CFI: variants seen among roughly 807,000 people sequenced by gnomAD.
CFI encodes C3B/C4B inactivator.
CFI carries 66 observed loss-of-function variants against 78.8 expected under a neutral mutation model. The ratio of observed to expected loss-of-function variants is 0.84; its 90% CI spans 0.69 to 1.03. CFI has a LOEUF of 1.03. Ranked by LOEUF, CFI falls within the 50% of genes least tolerant of loss-of-function variation. CFI has a pLI of 0.00. For missense variants in CFI, 706 were observed against 704.5 expected (o/e 1.00, Z -0.02); for synonymous variants, 250 against 232.6 (o/e 1.07, Z -0.68).
chr4:109,794,163 G>T (rs535500579), intron 1 of CFI: 2 of 152,178 alleles, frequency 1.3e-5, no homozygotes, highest in African/African-American at 4.8e-5. Context: ...TTTGAATGTG[G>T]ACAGCCATGC....
intron 1 of CFI, among the ~76,000 whole-genome samples, chr4:109,780,372 T>A (rs1437147202): frequency 6.6e-6 from 1 of 152,180 alleles, no homozygotes; most frequent in Non-Finnish European, 1.5e-5. Flanking sequence ...AAGACATTTA[T>A]GCAGCCAACA....
At chr4:109,760,436 C>A in intron 5 of CFI, 56 bp from the exon 6 acceptor site, 5 of 1,503,558 alleles carry the variant, frequency 3.3e-6, no homozygotes, top group Non-Finnish European at 4.6e-6. Flanking sequence ...GAATGAGGTA[C>A]AATATAAAAT....
At chr4:109,801,092 A>C (rs1465363201) in intron 1 of CFI, among the ~76,000 whole-genome samples, 1 of 152,258 alleles carries the variant, frequency 6.6e-6, no homozygotes, top group Non-Finnish European at 1.5e-5. Flanking sequence ...GTTGGCAATC[A>C]TCAATAAGTA....
At chr4:109,773,013 G>T (rs1369050027) in intron 1 of CFI, among the ~76,000 whole-genome samples, 1 of 152,106 alleles carries the variant, frequency 6.6e-6, no homozygotes, top group Non-Finnish European at 1.5e-5. Context: ...GATTTCCTTT[G>T]GCCAGTGAAA....
intron 1 of CFI, among the ~76,000 whole-genome samples, chr4:109,767,035 A>T (rs559240939): frequency 1.5e-4 from 23 of 152,342 alleles, no homozygotes; most frequent in African/African-American, 5.3e-4. Flanking sequence ...TGGGGAAAGG[A>T]TTCCCTATTT....
chr4:109,750,769 G>A (rs1008715637), intron 8 of CFI, among the ~76,000 whole-genome samples: 7 of 152,262 alleles, frequency 4.6e-5, no homozygotes, highest in East Asian at 1.9e-4. Context: ...TGGGCATACC[G>A]AAAGGAGTTA....
At chr4:109,756,885 A>G (rs201261296) in intron 7 of CFI, among the ~76,000 whole-genome samples, 2 of 125,654 alleles carry the variant, frequency 1.6e-5, no homozygotes, top group South Asian at 2.7e-4. Context: ...AGAAAGAAAG[A>G]AAGGAAAGAA....
intron 7 of CFI, among the ~76,000 whole-genome samples, chr4:109,754,636 C>G (rs538229772): frequency 2.8e-4 from 43 of 152,026 alleles, no homozygotes; most frequent in Non-Finnish European, 5.0e-4. Context: ...TGCTGCAATC[C>G]TGTGTCTTCT....
intron 1 of CFI, among the ~76,000 whole-genome samples, chr4:109,769,079 G>A (rs546744842): frequency 3.3e-5 from 5 of 152,292 alleles, no homozygotes; most frequent in African/African-American, 1.2e-4. Context: ...GCTTGCAAGT[G>A]TCCTGACAGC....
At chr4:109,792,263 G>T (rs1231872439) in intron 1 of CFI, among the ~76,000 whole-genome samples, 3 of 152,038 alleles carry the variant, frequency 2.0e-5, no homozygotes, top group Non-Finnish European at 4.4e-5. Flanking sequence ...GAGTATTGAA[G>T]CTTCCAACTA....
intron 1 of CFI, among the ~76,000 whole-genome samples, chr4:109,784,257 G>C (rs1009653141): frequency 3.9e-5 from 6 of 152,070 alleles, no homozygotes; most frequent in African/African-American, 1.2e-4. Context: ...TTTGACAAAT[G>C]TAATTTTAGT....
rs764371341 is a variant in CFI at position 109,742,521 on chromosome 4, G to A, written c.1504C>T (p.Arg502Cys). Residue 502 changes from arginine (R) to cysteine (C), a missense_variant, in exon 12 of 13, where the codon CGT becomes TGT. By Grantham distance (180) the Arg-to-Cys change is radical. Coordinates refer to ENST00000394634, the MANE Select transcript of CFI (RefSeq NM_000204.5). ...CATTCCATTTCTTTTTCATAGAAAC[G>A]ATTTCCGTAAAACTTAGAGCAGTTG... ...ISNCSKFYGNRFYEKEMECAG... is the reference protein window; with the variant it reads ...ISNCSKFYGNCFYEKEMECAG... The A allele has an allele frequency of 4.3e-6, 7 of 1,613,140 alleles. No individual in the cohort carries two copies. Among genetic ancestry groups the A allele is most frequent in the African/African-American group, 4.0e-5 (3 of 74,884 alleles).
chr4:109,769,751 G>T (rs936134728), intron 1 of CFI, among the ~76,000 whole-genome samples: 1 of 152,124 alleles, frequency 6.6e-6, no homozygotes, highest in African/African-American at 2.4e-5. Context: ...CTTTGGCAGG[G>T]AGCCTCTTGG....
At chr4:109,782,935 C>G (rs928704390) in intron 1 of CFI, among the ~76,000 whole-genome samples, 2 of 152,072 alleles carry the variant, frequency 1.3e-5, no homozygotes, top group Non-Finnish European at 2.9e-5. Context: ...CGAAAGGACA[C>G]CCTTTTCAAC....
intron 1 of CFI, among the ~76,000 whole-genome samples, chr4:109,783,087 A>G (rs1195846620): frequency 1.3e-5 from 2 of 152,242 alleles, no homozygotes; most frequent in Admixed American, 1.3e-4. Flanking sequence ...AGAAGATAAC[A>G]TTGGAAAAAC....
At chr4:109,732,587 G>A in the CFI span, among the ~76,000 whole-genome samples, 1 of 152,166 alleles carries the variant, frequency 6.6e-6, no homozygotes, top group African/African-American at 2.4e-5. Flanking sequence ...GCCGGGTGCG[G>A]TGGCTCACGC....
intron 6 of CFI, among the ~76,000 whole-genome samples, chr4:109,759,344 G>A (rs539069413): frequency 1.3e-4 from 20 of 151,814 alleles, no homozygotes; most frequent in Middle Eastern, 3.2e-3. Context: ...CTTTAAAAAC[G>A]TAATAACCAA....
intron 1 of CFI, among the ~76,000 whole-genome samples, chr4:109,770,095 C>T (rs540461445): frequency 2.4e-4 from 36 of 152,190 alleles, no homozygotes; most frequent in African/African-American, 5.8e-4. Context: ...CATAAAATTA[C>T]GGGAAGCCAT....
chr4:109,749,110 T>A (rs1005716566), intron 10 of CFI, 108 bp downstream of exon 10: 6 of 968,710 alleles, frequency 6.2e-6, no homozygotes, highest in Non-Finnish European at 1.0e-5. Context: ...ATTAATATAG[T>A]GGAGTTTGTC....
Sources: allele counts gnomAD v4.1 joint callset (sites outside exome capture counted in the v4.1 genomes callset), GRCh38; gene constraint gnomAD v4.1.1; transcripts MANE v1.5; gene names NCBI Gene and HGNC (gene_info 2026-07-23, HGNC 2026-07-21).